The following AMD1 variants were observed in gnomAD, a reference collection of about 807,000 sequenced individuals.
The protein encoded by AMD1 is adenosylmethionine decarboxylase 1.
A neutral mutation model predicts 40.2 loss-of-function variants in AMD1; 11 were observed. That is an observed-to-expected ratio of 0.27 (90% CI 0.17 to 0.45). The LOEUF (loss-of-function observed/expected upper bound fraction) is 0.45. Ranked by LOEUF, AMD1 falls within the 20% of genes least tolerant of loss-of-function variation. The pLI is 1.00. For missense variants in AMD1, 257 were observed against 410.2 expected, an observed-to-expected ratio of 0.63 and a Z score of 3.23; for synonymous variants, 121 against 130.8, an observed-to-expected ratio of 0.93 and a Z score of 0.51.
At chr6:110,854,811 A>G in the AMD1 span, among the ~76,000 whole-genome samples, 4 of 152,144 alleles carry the variant, frequency 2.6e-5, no homozygotes, top group African/African-American at 9.7e-5. Context: ...ATTGAAATGT[A>G]GCAACTCCTA....
intron 1 of AMD1, among the ~76,000 whole-genome samples, chr6:110,881,273 TTA>T (rs1223110646): frequency 6.6e-6 from 1 of 152,180 alleles, no homozygotes; most frequent in African/African-American, 2.4e-5. Context: ...ATCCTGTTAA[TTA>T]TACCGTGTGT....
chr6:110,847,339 C>T, the AMD1 span, among the ~76,000 whole-genome samples: 1 of 152,040 alleles, frequency 6.6e-6, no homozygotes, highest in African/African-American at 2.4e-5. Flanking sequence ...TCCTGGCTAA[C>T]ACGGTGAAAC....
the AMD1 span, among the ~76,000 whole-genome samples, chr6:110,818,621 GTC>G: frequency 6.6e-6 from 1 of 152,122 alleles, no homozygotes; most frequent in South Asian, 2.1e-4. Flanking sequence ...CCTCACTGCA[GTC>G]TCTGCCTCCT....
At chr6:110,873,024 A>G (rs1032737199), upstream of AMD1, among the ~76,000 whole-genome samples, 1 of 152,222 alleles carries the variant, frequency 6.6e-6, no homozygotes, top group Non-Finnish European at 1.5e-5. Flanking sequence ...TCATTATAAA[A>G]TAAGCAACAT....
At chr6:110,858,964 C>A in the AMD1 span, 1 of 1,103,178 alleles carries the variant, frequency 9.1e-7, no homozygotes, top group Non-Finnish European at 1.4e-6. Flanking sequence ...TCCTCCATGT[C>A]GCTGCAGATG....
intron 1 of AMD1, among the ~76,000 whole-genome samples, chr6:110,886,700 G>C (rs992908567): frequency 2.0e-5 from 3 of 152,220 alleles, no homozygotes; most frequent in Non-Finnish European, 4.4e-5. Context: ...TTGAGCCTGG[G>C]AGGTCAAGGC....
intron 1 of AMD1, among the ~76,000 whole-genome samples, chr6:110,882,608 A>G (rs901892246): frequency 2.6e-5 from 4 of 151,856 alleles, no homozygotes; most frequent in South Asian, 2.1e-4. Context: ...TCTTTCGTCT[A>G]TTTTGCCCTC....
chr6:110,872,979 A>G (rs1020110952), upstream of AMD1, among the ~76,000 whole-genome samples: 2 of 152,228 alleles, frequency 1.3e-5, no homozygotes, highest in South Asian at 2.1e-4. Context: ...TACTTCTTTT[A>G]TCTTTATTCC....
At chr6:110,892,242 T>G (rs1363779818) in intron 5 of AMD1, 39 bp downstream of exon 5, 1 of 1,613,670 alleles carries the variant, frequency 6.2e-7, no homozygotes, top group Non-Finnish European at 8.5e-7. Flanking sequence ...TGTTGTCCTA[T>G]GTAAGATTTA....
chr6:110,815,097 C>T, the AMD1 span: 2 of 1,603,010 alleles, frequency 1.2e-6, no homozygotes, highest in Non-Finnish European at 1.7e-6. Context: ...TCCACCCGCT[C>T]CCGCTCCGCC....
At chr6:110,867,090 G>A in the AMD1 span, among the ~76,000 whole-genome samples, 2 of 151,886 alleles carry the variant, frequency 1.3e-5, no homozygotes, top group African/African-American at 4.8e-5. Flanking sequence ...TGGGATTACA[G>A]GCGTGAGCCA....
At chr6:110,825,457 C>G in the AMD1 span, among the ~76,000 whole-genome samples, 1 of 152,222 alleles carries the variant, frequency 6.6e-6, no homozygotes, top group Non-Finnish European at 1.5e-5. Flanking sequence ...TAAACCACCT[C>G]TGCTTTCTTT....
intron 6 of AMD1, 76 bp downstream of exon 6, chr6:110,892,519 T>G: frequency 6.3e-7 from 1 of 1,586,650 alleles, no homozygotes; most frequent in Non-Finnish European, 8.6e-7. Flanking sequence ...TCTGTAACTT[T>G]TAAGTTCAGG....
the AMD1 span, among the ~76,000 whole-genome samples, chr6:110,822,147 A>C: frequency 6.6e-6 from 1 of 151,646 alleles, no homozygotes; most frequent in Non-Finnish European, 1.5e-5. Context: ...CCAAGGTGGC[A>C]GTGAGCCGAG....
chr6:110,856,260 A>T, the AMD1 span, among the ~76,000 whole-genome samples: 1 of 152,010 alleles, frequency 6.6e-6, no homozygotes, highest in Non-Finnish European at 1.5e-5. Context: ...CTTATCTCTG[A>T]TGACTGGATT....
At chr6:110,887,030 T>C (rs1174490949) in intron 1 of AMD1, among the ~76,000 whole-genome samples, 1 of 152,186 alleles carries the variant, frequency 6.6e-6, no homozygotes, top group Non-Finnish European at 1.5e-5. Context: ...TGGCAGTCAT[T>C]CCAGTTTTTT....
chr6:110,872,989 C>T (rs902963209), upstream of AMD1, among the ~76,000 whole-genome samples: 1 of 152,032 alleles, frequency 6.6e-6, no homozygotes, highest in African/African-American at 2.4e-5. Context: ...ATCTTTATTC[C>T]AAGTAGAGTA....
chr6:110,833,687 T>C, the AMD1 span, among the ~76,000 whole-genome samples: 4 of 152,208 alleles, frequency 2.6e-5, no homozygotes, highest in Non-Finnish European at 5.9e-5. Context: ...TCTTAAACTC[T>C]TTGGCCTTTG....
chr6:110,833,401 C>CA, the AMD1 span, among the ~76,000 whole-genome samples: 1 of 151,838 alleles, frequency 6.6e-6, no homozygotes, highest in African/African-American at 2.4e-5. Context: ...TTGTATGTAC[C>CA]AGGGGGAAAA....
Sources: allele counts gnomAD v4.1 joint callset (sites outside exome capture counted in the v4.1 genomes callset), GRCh38; gene constraint gnomAD v4.1.1; transcripts MANE v1.5; gene names NCBI Gene and HGNC (gene_info 2026-07-23, HGNC 2026-07-21).